Variants in IL1RL1 observed in about 807,000 individuals in gnomAD.
The protein encoded by IL1RL1 is interleukin 1 receptor like 1.
Under a neutral mutation model 50.9 loss-of-function variants are expected in IL1RL1, and 32 were observed. The ratio of observed to expected loss-of-function variants is 0.63; its 90% CI spans 0.47 to 0.84. IL1RL1 has a LOEUF of 0.84. Ranked by LOEUF, IL1RL1 falls within the 40% of genes least tolerant of loss-of-function variation. The pLI is 0.00. For missense variants in IL1RL1, 773 were observed against 662.9 expected (o/e 1.17, Z -1.82); for synonymous variants, 275 against 236.0 (o/e 1.17, Z -1.51).
intron 1 of IL1RL1, among the ~76,000 whole-genome samples, chr2:102,323,265 ATATATATAGTGTGT>A (rs1426276612): frequency 2.9e-4 from 41 of 143,086 alleles, no homozygotes; most frequent in Middle Eastern, 3.6e-3. Flanking sequence ...ATATATATAT[ATATATATAGTGTGT>A]GTGTGTGTGT....
intron 8 of IL1RL1, chr2:102,345,580 G>C: frequency 1.0e-6 from 1 of 985,440 alleles, no homozygotes; most frequent in Non-Finnish European, 1.2e-6. Context: ...AAAGGATAGG[G>C]GTGTGGGGAC....
intron 8 of IL1RL1, chr2:102,343,784 C>T: frequency 2.7e-6 from 3 of 1,121,434 alleles, no homozygotes; most frequent in Non-Finnish European, 3.3e-6. Flanking sequence ...TCTTTTATAA[C>T]TTGCATTACA....
chr2:102,334,532 TA>T (rs201623992), intron 1 of IL1RL1, among the ~76,000 whole-genome samples: 8 of 147,910 alleles, frequency 5.4e-5, no homozygotes, highest in Admixed American at 2.0e-4. Flanking sequence ...TTTTCATCAA[TA>T]AAAAAAAATA....
intron 8 of IL1RL1, chr2:102,345,923 G>C: frequency 1.0e-6 from 1 of 985,350 alleles, no homozygotes; most frequent in South Asian, 4.7e-5. Context: ...GCTTTGCTAC[G>C]TTATCATTGA....
Position 102,324,807 on chromosome 2 carries a change from C to T in IL1RL1, c.-150+13184C>T, listed in dbSNP as rs188355954. Among the ~76,000 whole-genome samples, 991 of 152,298 alleles carry T rather than the reference C, an allele frequency of 6.5e-3. 19 individuals are homozygous for T. Among genetic ancestry groups the T allele is most frequent in the African/African-American group, 0.019 (798 of 41,558 alleles). On this transcript the variant is annotated intron_variant, in intron 1 of 10. Transcript: ENST00000233954. ...AAGTTGGCAGCGAGGCTGTGGGAGG[C>T]GTGCCCACCATTGCTGAGGCTTGAG... is the stretch of plus-strand genomic sequence containing the variant.
At chr2:102,323,120 G>T (rs1676881978) in intron 1 of IL1RL1, among the ~76,000 whole-genome samples, 1 of 151,518 alleles carries the variant, frequency 6.6e-6, no homozygotes, top group South Asian at 2.1e-4. Flanking sequence ...TTAATTTTTG[G>T]TATTATGAGT....
At chr2:102,344,678 G>C (rs1431196918) in intron 8 of IL1RL1, 1 of 769,246 alleles carries the variant, frequency 1.3e-6, no homozygotes, top group Non-Finnish European at 1.6e-6. Context: ...GCTAGCCAGT[G>C]CTCAGCTAAA....
intron 10 of IL1RL1, among the ~76,000 whole-genome samples, chr2:102,350,065 G>T (rs1173978798): frequency 8.5e-6 from 1 of 117,676 alleles, no homozygotes; most frequent in Non-Finnish European, 1.8e-5. Flanking sequence ...ATCTGGGAAT[G>T]CTAATAGCCT....
chr2:102,351,798 C>T lies in IL1RL1; in HGVS notation c.1548C>T (p.His516=), dbSNP rs181315872. The T allele has an allele frequency of 5.9e-4, 953 of 1,614,074 alleles. 6 individuals are homozygous for T. The highest frequency in any genetic ancestry group is 1.1e-4 in the Non-Finnish European group (133 of 1,179,984). The change falls in exon 11 of 11, where the codon CAC becomes CAT. Residue 516 remains histidine (H), a synonymous_variant. Coordinates refer to ENST00000233954, the MANE Select transcript of IL1RL1 (RefSeq NM_016232.5). ...VQGTIKWRED[H]IANKRSLNSK... is the part of the protein sequence containing the mutation. The stretch of plus-strand genomic sequence containing the variant: ...GGACCATCAAGTGGAGGGAGGACCA[C>T]ATTGCCAATAAAAGGTCCCTGAATT...
At chr2:102,314,654 C>T (rs1318175465) in intron 1 of IL1RL1, among the ~76,000 whole-genome samples, 9 of 152,160 alleles carry the variant, frequency 5.9e-5, no homozygotes, top group Admixed American at 4.6e-4. Flanking sequence ...AAAGGCTTCC[C>T]TGTCATAGGT....
chr2:102,339,160 A>G (rs1404503682), intron 3 of IL1RL1, 113 bp downstream of exon 3: 2 of 702,790 alleles, frequency 2.8e-6, no homozygotes, highest in Non-Finnish European at 5.0e-6. Context: ...GGAACAGTTA[A>G]ATTTATAAAA....
intron 5 of IL1RL1, 38 bp from the exon 6 acceptor site, chr2:102,342,185 A>T: frequency 7.2e-7 from 1 of 1,393,462 alleles, no homozygotes; most frequent in Non-Finnish European, 1.0e-6. Context: ...CTAGCATTCA[A>T]TGCTCTCCTA....
At chr2:102,326,927 A>C (rs1008947732) in intron 1 of IL1RL1, among the ~76,000 whole-genome samples, 8 of 152,110 alleles carry the variant, frequency 5.3e-5, no homozygotes, top group East Asian at 1.9e-4. Flanking sequence ...ACCCCACTGG[A>C]AACATTAGAC....
At chr2:102,341,693 T>A (rs1466522683) in intron 5 of IL1RL1, among the ~76,000 whole-genome samples, 2 of 152,084 alleles carry the variant, frequency 1.3e-5, no homozygotes, top group Non-Finnish European at 2.9e-5. Flanking sequence ...TAAATGAGCA[T>A]GAAGGGATGG....
chr2:102,332,363 A>G (rs1386144705), intron 1 of IL1RL1, among the ~76,000 whole-genome samples: 2 of 152,232 alleles, frequency 1.3e-5, no homozygotes, highest in African/African-American at 4.8e-5. Flanking sequence ...GGACACCGAT[A>G]GCAGCATTAT....
At chr2:102,320,054 A>G (rs1034020988) in intron 1 of IL1RL1, among the ~76,000 whole-genome samples, 7 of 152,230 alleles carry the variant, frequency 4.6e-5, no homozygotes, top group African/African-American at 1.7e-4. Context: ...TTAATAAACT[A>G]TAAGAAGTCT....
In IL1RL1 at chr2:102,351,669, C is replaced by T. The variant is rs73004242; in HGVS notation, c.1419C>T (p.Asn473=). The T allele has an allele frequency of 5.5e-3, 8,839 of 1,614,000 alleles. 353 individuals are homozygous for T. In the African/African-American group the frequency reaches 0.096, roughly 18 times the overall value. Reference sequence around the variant, plus strand: ...CCCTGCACTGTGCCCTCATCCAGAACGACGCCAAGGTGATACTTATTGAGA... The same window carrying T: ...CCCTGCACTGTGCCCTCATCCAGAATGACGCCAAGGTGATACTTATTGAGA... ...EVALHCALIQ[N]DAKVILIEME... is the part of the protein sequence containing the mutation. The change falls in exon 11 of 11, where the codon AAC becomes AAT. Residue 473 remains asparagine, a synonymous_variant. Transcript: ENST00000233954.
At chr2:102,346,827 G>A (rs758920158) in intron 8 of IL1RL1, among the ~76,000 whole-genome samples, 4 of 152,274 alleles carry the variant, frequency 2.6e-5, no homozygotes, top group Admixed American at 6.5e-5. Flanking sequence ...CGTGAATATG[G>A]GCCAGTGATT....
chr2:102,314,411 C>T (rs1410631944), intron 1 of IL1RL1, among the ~76,000 whole-genome samples: 1 of 152,118 alleles, frequency 6.6e-6, no homozygotes, highest in Non-Finnish European at 1.5e-5. Flanking sequence ...TGTCTGAGCC[C>T]TGGGTAGAAA....
Sources: allele counts gnomAD v4.1 joint callset (sites outside exome capture counted in the v4.1 genomes callset), GRCh38; gene constraint gnomAD v4.1.1; transcripts MANE v1.5; gene names NCBI Gene and HGNC (gene_info 2026-07-23, HGNC 2026-07-21).